Variants in GID4 observed in about 807,000 individuals in gnomAD.
GID4 encodes the protein glucose-induced degradation protein 4 homolog.
A neutral mutation model predicts 32.4 loss-of-function variants in GID4; 7 were observed. The observed-to-expected ratio is 0.22, with a 90% CI of 0.12 to 0.41. The LOEUF is 0.41. Among genes scored for constraint, GID4 ranks in the 10% least tolerant of loss-of-function variants. The pLI is 1.00. For synonymous variants in GID4, 166 were observed against 170.0 expected (o/e 0.98, Z 0.18); for missense variants, 309 against 400.0 (o/e 0.77, Z 1.94).
intron 2 of GID4, among the ~76,000 whole-genome samples, chr17:18,048,653 T>C (rs2044879612): frequency 6.6e-6 from 1 of 152,030 alleles, no homozygotes; most frequent in Non-Finnish European, 1.5e-5. Context: ...TTTTTATTTT[T>C]TGTTTTTGAG....
chr17:18,062,065 G>T, intron 5 of GID4, 90 bp downstream of exon 5: 3 of 1,226,242 alleles, frequency 2.4e-6, no homozygotes, highest in Non-Finnish European at 3.6e-6. Flanking sequence ...CAACATCTTA[G>T]CCTGTCTCTG....
At chr17:18,055,809 T>C (rs1270855407) in intron 3 of GID4, among the ~76,000 whole-genome samples, 1 of 150,584 alleles carries the variant, frequency 6.6e-6, no homozygotes, top group Non-Finnish European at 1.5e-5. Context: ...GTTTTTCTTT[T>C]ATGGGGGTTT....
rs1331435970 is a variant in GID4 at position 18,068,002 on chromosome 17, G to A, written c.*2759G>A. On this transcript the variant is annotated 3_prime_UTR_variant, in exon 6 of 6. Coordinates refer to ENST00000268719, the MANE Select transcript of GID4 (RefSeq NM_024052.5). ...TAAGTAGGAAGTCAATCTGTGTGCT[G>A]GTTTTGTTGGTTATGTGGAAATCAC... 1 of 152,556 alleles carries A rather than the reference G, an allele frequency of 6.6e-6. No individual in the cohort carries two copies. Among genetic ancestry groups the A allele is most frequent in the African/African-American group, 2.4e-5 (1 of 41,428 alleles). 9.5% of individuals were successfully genotyped at this position (152,556 alleles called of 1,614,324 possible).
intron 2 of GID4, among the ~76,000 whole-genome samples, chr17:18,047,367 G>A (rs2044864500): frequency 6.6e-6 from 1 of 152,240 alleles, no homozygotes; most frequent in South Asian, 2.1e-4. Context: ...ACCAGCAAGT[G>A]TGTAAGGCAT....
intron 4 of GID4, 66 bp downstream of exon 4, chr17:18,059,035 T>G: frequency 1.1e-6 from 1 of 888,742 alleles, no homozygotes; most frequent in Non-Finnish European, 1.9e-6. Flanking sequence ...ACCTACATAT[T>G]CACTCTAACC....
At chr17:18,065,142 GATGACTA>G in intron 5 of GID4, 31 bp from the exon 6 acceptor site, 1 of 1,536,042 alleles carries the variant, frequency 6.5e-7, no homozygotes, top group African/African-American at 1.4e-5. Flanking sequence ...GGGTGCATTA[GATGACTA>G]CCTCCCGTTT....
chr17:18,052,899 T>A (rs2044926233), intron 2 of GID4, among the ~76,000 whole-genome samples: 1 of 151,968 alleles, frequency 6.6e-6, no homozygotes, highest in South Asian at 2.1e-4. Context: ...GTGACAGAAT[T>A]AAACGTATCC....
chr17:18,052,079 C>T (rs1260422726), intron 2 of GID4, among the ~76,000 whole-genome samples: 6 of 110,640 alleles, frequency 5.4e-5, no homozygotes, highest in East Asian at 2.0e-4. Context: ...GTCCCTCCCC[C>T]CAAAAAAAAA....
At chr17:18,059,796 T>G (rs1393552124) in intron 4 of GID4, among the ~76,000 whole-genome samples, 1 of 152,048 alleles carries the variant, frequency 6.6e-6, no homozygotes, top group African/African-American at 2.4e-5. Context: ...CTTTAGGAAG[T>G]GGGGATCGGC....
rs1011857276 is a variant in GID4, at chr17:18,067,861, A to G, written c.*2618A>G. On this transcript the variant is annotated 3_prime_UTR_variant, in exon 6 of 6. Coordinates refer to ENST00000268719, the MANE Select transcript of GID4 (RefSeq NM_024052.5). The stretch of plus-strand genomic sequence containing the variant: ...TTACTCCACTGCTCAGAAAGCTTCC[A>G]TTCTGCTGTCCTCAGCCTCGACCCT... 2 of 152,610 alleles carry G rather than the reference A, an allele frequency of 1.3e-5. No homozygotes were observed. The highest frequency in any genetic ancestry group is 1.3e-4 in the Admixed American group (2 of 15,264). 9.5% of individuals were successfully genotyped at this position (152,610 alleles called of 1,614,324 possible).
chr17:18,064,855 G>A (rs1211610263), intron 5 of GID4, among the ~76,000 whole-genome samples: 4 of 152,154 alleles, frequency 2.6e-5, no homozygotes, highest in Non-Finnish European at 5.9e-5. Flanking sequence ...AGAGCAGCCG[G>A]TGAGGTTAGG....
intron 1 of GID4, among the ~76,000 whole-genome samples, chr17:18,044,805 C>A (rs1206049058): frequency 3.3e-5 from 5 of 152,166 alleles, no homozygotes; most frequent in African/African-American, 1.2e-4. Context: ...GAGACAGAGG[C>A]CCTGTGCCCA....
chr17:18,065,439 C>T lies in GID4; in HGVS notation c.*196C>T. 1.7e-6 allele frequency: 1 copy of T among 595,278 alleles called. No homozygotes were observed. The highest frequency in any genetic ancestry group is 3.0e-6 in the Non-Finnish European group (1 of 332,344). The allele number at this position is 595,278 out of a possible 1,614,324, so 36.9% of individuals were successfully genotyped here. On this transcript the variant is annotated 3_prime_UTR_variant, in exon 6 of 6. Transcript: ENST00000268719. The stretch of plus-strand genomic sequence containing the variant: ...CCGTGGGGCAGGTGGAGGGAGCAGT[C>T]TTCGTTCTTCCTCCCCTCAGTGGCA...
rs1368968361 is a variant in GID4 at position 18,039,683 on chromosome 17, C to A, written c.219C>A (p.Leu73=). The part of the protein sequence containing the change: ...SRAAAAVPLP[L]PPALAPGDPA... ...CGGCGGCGGCGGTTCCTCTCCCACT[C>A]CCCCCAGCCCTGGCTCCGGGGGACC... The change falls in exon 1 of 6, where the codon CTC becomes CTA. Residue 73 remains leucine (L), a synonymous_variant. Transcript: ENST00000268719. This position sits in a 1 kb window ranked among gnomAD's most constrained non-coding sequence, Gnocchi z 5.3. The A allele has an allele frequency of 7.8e-6, 11 of 1,418,628 alleles. No homozygotes were observed. Among genetic ancestry groups the A allele is most frequent in the East Asian group, 6.1e-5 (2 of 32,726 alleles). The allele number at this position is 1,418,628 out of a possible 1,614,324, so 87.9% of individuals were successfully genotyped here. A position where few individuals can be genotyped will look rare whatever the true frequency, so the allele number is the denominator to read the frequency against.
intron 3 of GID4, chr17:18,057,230 G>A (rs904979510): frequency 1.4e-5 from 8 of 562,858 alleles, no homozygotes; most frequent in Middle Eastern, 5.0e-4. Flanking sequence ...TCAGGAGTTC[G>A]AGAACAGCCT....
intron 1 of GID4, 133 bp from the exon 2 acceptor site, chr17:18,045,014 C>G: frequency 1.7e-6 from 1 of 581,464 alleles, no homozygotes; most frequent in Middle Eastern, 4.6e-4. Context: ...ATTCCAGAGA[C>G]TGGGTGAGCC....
At chr17:18,056,876 A>G (rs1382287229) in intron 3 of GID4, 2 of 1,550,348 alleles carry the variant, frequency 1.3e-6, no homozygotes. Context: ...CTTTTGTAGT[A>G]CTCAGCATTT....
intron 4 of GID4, among the ~76,000 whole-genome samples, chr17:18,060,240 A>G (rs1283418403): frequency 3.3e-5 from 5 of 151,640 alleles, no homozygotes; most frequent in African/African-American, 1.2e-4. Context: ...TTTACTAAAA[A>G]TACAAAAATT....
At chr17:18,056,929 G>C in intron 3 of GID4, 1 of 1,550,546 alleles carries the variant, frequency 6.4e-7, no homozygotes, top group Non-Finnish European at 8.7e-7. Context: ...AGGTTCCCAC[G>C]TGGGACTCCT....
Sources: allele counts gnomAD v4.1 joint callset (sites outside exome capture counted in the v4.1 genomes callset), GRCh38; gene constraint gnomAD v4.1.1; non-coding constraint Gnocchi (gnomAD v3.1); transcripts MANE v1.5; gene names NCBI Gene and HGNC (gene_info 2026-07-23, HGNC 2026-07-21).